Variants in CRYL1 observed in about 807,000 individuals in gnomAD.
CRYL1 encodes lambda-crystallin homolog.
CRYL1 carries 29 observed loss-of-function variants against 36.6 expected under a neutral mutation model. The observed-to-expected ratio is 0.79, with a 90% CI of 0.59 to 1.08. The LOEUF (loss-of-function observed/expected upper bound fraction) is 1.08. Ranked by LOEUF, CRYL1 falls within the 50% of genes least tolerant of loss-of-function variation. The probability of loss-of-function intolerance (pLI) is 0.00; values close to 1 mark genes in which losing one functional copy is unlikely to be tolerated. For synonymous variants in CRYL1, 152 were observed against 151.5 expected, an observed-to-expected ratio of 1.00 and a Z score of -0.02; for missense variants, 411 against 407.9, an observed-to-expected ratio of 1.01 and a Z score of -0.06.
At chr13:20,488,816 G>C (rs2033450581) in intron 3 of CRYL1, among the ~76,000 whole-genome samples, 1 of 152,202 alleles carries the variant, frequency 6.6e-6, no homozygotes. Context: ...CTGGAAAGAG[G>C]GCCAAGCCAC....
At chr13:20,404,559 T>C (rs546505969) in intron 7 of CRYL1, 76 bp downstream of exon 7, 8 of 929,236 alleles carry the variant, frequency 8.6e-6, no homozygotes, top group Non-Finnish European at 1.4e-5. Flanking sequence ...GCCCACCCGC[T>C]GCAGAGGTGA....
chr13:20,475,447 G>A (rs1483314903), intron 3 of CRYL1, among the ~76,000 whole-genome samples: 1 of 152,208 alleles, frequency 6.6e-6, no homozygotes, highest in Non-Finnish European at 1.5e-5. Context: ...AAAAACAGCA[G>A]TAGATAAAGC....
At chr13:20,424,501 C>T (rs979857871) in intron 5 of CRYL1, among the ~76,000 whole-genome samples, 1 of 152,182 alleles carries the variant, frequency 6.6e-6, no homozygotes. Flanking sequence ...CTTCAGAAGG[C>T]GCAGAAGACA....
chr13:20,429,351 G>T (rs7338927), intron 5 of CRYL1, among the ~76,000 whole-genome samples: 1,604 of 152,318 alleles, frequency 0.011, 26 homozygotes, highest in African/African-American at 0.036. Flanking sequence ...ATCTGGCTTG[G>T]AAGTTGTGAG....
At chr13:20,443,221 A>T (rs796353185) in intron 3 of CRYL1, among the ~76,000 whole-genome samples, 9 of 152,292 alleles carry the variant, frequency 5.9e-5, no homozygotes, top group African/African-American at 2.2e-4. Flanking sequence ...AAGTCTGCTA[A>T]CTGGACCACT....
intron 3 of CRYL1, among the ~76,000 whole-genome samples, chr13:20,453,411 A>AATATTCTAATATATTTGAATATTTTGAT (rs2032613397): frequency 1.5e-5 from 2 of 136,266 alleles, no homozygotes; most frequent in Non-Finnish European, 1.5e-5. Context: ...AATATTTTGA[A>AATATTCTAATATATTTGAATATTTTGAT]ATATTCTAAT....
At chr13:20,433,375 A>G (rs1593440713) in intron 4 of CRYL1, among the ~76,000 whole-genome samples, 2 of 152,386 alleles carry the variant, frequency 1.3e-5, no homozygotes, top group South Asian at 4.1e-4. Flanking sequence ...CACAGCAAAC[A>G]GAAATGATGC....
intron 1 of CRYL1, among the ~76,000 whole-genome samples, chr13:20,524,608 C>T (rs1441521074): frequency 6.6e-6 from 1 of 152,098 alleles, no homozygotes. Flanking sequence ...AACTCCCGAC[C>T]TCAGATGATC....
In CRYL1 at chr13:20,439,424, A is replaced by T. The variant is rs559952420; in HGVS notation, c.438+169T>A. Among the ~76,000 whole-genome samples the T allele has an allele frequency of 1.4e-4, 21 of 151,892 alleles. No homozygotes were observed. The East Asian group carries it at 3.7e-3, about 27-fold the overall frequency. ...AAGAACCACTGAACTGCACAATTTG[A>T]ACTGGCAAATTGTGTAAGTGAATTA... On this transcript the variant is annotated intron_variant, in intron 4 of 7. Transcript: ENST00000298248.
intron 3 of CRYL1, among the ~76,000 whole-genome samples, chr13:20,460,680 T>G (rs149121227): frequency 6.6e-6 from 1 of 151,562 alleles, no homozygotes; most frequent in African/African-American, 2.4e-5. Flanking sequence ...CGCCCGCCAC[T>G]ACGCCCGGCT....
chr13:20,428,557 T>C (rs2031984552), intron 5 of CRYL1, among the ~76,000 whole-genome samples: 1 of 152,212 alleles, frequency 6.6e-6, no homozygotes, highest in Admixed American at 6.5e-5. Flanking sequence ...TATGTGAGGC[T>C]GGTTGAACAT....
chr13:20,522,393 TA>T (rs898994524), intron 1 of CRYL1, among the ~76,000 whole-genome samples: 9 of 151,810 alleles, frequency 5.9e-5, no homozygotes, highest in Non-Finnish European at 1.2e-4. Context: ...ATTTTGGAAT[TA>T]AAAAAAATGA....
chr13:20,420,701 T>TTTTTTTTTTTTTTGTGTGTGTG lies in CRYL1; in HGVS notation c.634-7315_634-7314insCACACACACAAAAAAAAAAAAA. On this transcript the variant is annotated intron_variant, in intron 5 of 7. Transcript: ENST00000298248. ...CTTTGACTTTTCTTTAAAATAGAGG[T>TTTTTTTTTTTTTTGTGTGTGTG]TGTGTGTGTGTGTGTGTGTGTGTGT... Among the ~76,000 whole-genome samples, 7 of 21,874 alleles carry TTTTTTTTTTTTTTGTGTGTGTG rather than the reference T, an allele frequency of 3.2e-4. 1 individual carries two copies. Among genetic ancestry groups the TTTTTTTTTTTTTTGTGTGTGTG allele is most frequent in the African/African-American group, 6.3e-4 (6 of 9,520 alleles). 14.4% of individuals were successfully genotyped at this position (21,874 alleles called of 152,430 possible). A position where few individuals can be genotyped will look rare whatever the true frequency, so the allele number is the denominator to read the frequency against.
intron 3 of CRYL1, among the ~76,000 whole-genome samples, chr13:20,477,276 T>A (rs4769115): frequency 0.66 from 100,230 of 152,052 alleles, 33,786 homozygotes; most frequent in East Asian, 0.81. Context: ...GTCAGTGAGC[T>A]ATGATCACAC....
intron 5 of CRYL1, among the ~76,000 whole-genome samples, chr13:20,416,186 G>C (rs760519009): frequency 2.0e-5 from 3 of 152,302 alleles, no homozygotes; most frequent in Non-Finnish European, 2.9e-5. Flanking sequence ...ATCTCACCAG[G>C]TTTCCTTCGA....
At chr13:20,438,784 C>G (rs2032288470) in intron 4 of CRYL1, among the ~76,000 whole-genome samples, 1 of 152,204 alleles carries the variant, frequency 6.6e-6, no homozygotes, top group South Asian at 2.1e-4. Context: ...TTTATCATAG[C>G]TTGAGCTAAG....
chr13:20,464,271 G>A (rs7337435), intron 3 of CRYL1, among the ~76,000 whole-genome samples: 146,075 of 152,126 alleles, frequency 0.96, 70,396 homozygotes, highest in East Asian at 1. Flanking sequence ...GCACGTGCCT[G>A]TAGTCCCAGC....
intron 5 of CRYL1, among the ~76,000 whole-genome samples, chr13:20,422,591 T>C (rs897692913): frequency 3.9e-5 from 6 of 152,192 alleles, no homozygotes; most frequent in Non-Finnish European, 7.4e-5. Flanking sequence ...GACTTGGCTC[T>C]GCACACGGGT....
At chr13:20,475,933 T>G (rs1041369177) in intron 3 of CRYL1, among the ~76,000 whole-genome samples, 2 of 152,162 alleles carry the variant, frequency 1.3e-5, no homozygotes, top group Non-Finnish European at 2.9e-5. Context: ...GTAAGTGTAC[T>G]CAGTCAGTGG....
Sources: allele counts gnomAD v4.1 joint callset (sites outside exome capture counted in the v4.1 genomes callset), GRCh38; gene constraint gnomAD v4.1.1; transcripts MANE v1.5; gene names NCBI Gene and HGNC (gene_info 2026-07-23, HGNC 2026-07-21).